The following AGPS variants were observed in gnomAD, a reference collection of about 807,000 sequenced individuals.
The protein encoded by AGPS is alkyldihydroxyacetonephosphate synthase, peroxisomal.
In AGPS, 26 loss-of-function variants were observed where a neutral mutation model predicts 90.7. That is an observed-to-expected ratio of 0.29 (90% CI 0.21 to 0.40). AGPS has a LOEUF of 0.40. Ranked by LOEUF, AGPS falls within the 10% of genes least tolerant of loss-of-function variation. The probability of loss-of-function intolerance (pLI) is 1.00; values close to 1 mark genes in which losing one functional copy is unlikely to be tolerated. For synonymous variants in AGPS, 294 were observed against 285.3 expected, an observed-to-expected ratio of 1.03 and a Z score of -0.31; for missense variants, 540 against 816.1, an observed-to-expected ratio of 0.66 and a Z score of 4.12.
intron 1 of AGPS, among the ~76,000 whole-genome samples, chr2:177,417,274 C>T (rs1685813104): frequency 6.6e-6 from 1 of 152,094 alleles, no homozygotes; most frequent in Non-Finnish European, 1.5e-5. Context: ...ATGCACAAAA[C>T]CATTAAAAAT....
intron 16 of AGPS, among the ~76,000 whole-genome samples, chr2:177,509,902 C>T (rs982926161): frequency 1.5e-4 from 23 of 152,056 alleles, no homozygotes; most frequent in African/African-American, 4.6e-4. Context: ...GACTAGTCTA[C>T]GCAACAGAAT....
intron 8 of AGPS, among the ~76,000 whole-genome samples, chr2:177,456,647 A>G (rs751692756): frequency 2.6e-5 from 4 of 152,176 alleles, no homozygotes; most frequent in African/African-American, 9.7e-5. Flanking sequence ...TTCCTGGTAT[A>G]TAGTACCTGC....
rs901581423 is a variant in AGPS, at chr2:177,493,000, A to T, written c.1234-148A>T. ...CATTGATATTTGTCTTCATAAAAGT[A>T]TATGAAAAGTTAACTTTTTTTCCTC... is the stretch of plus-strand genomic sequence containing the variant. On this transcript the variant is annotated intron_variant, in intron 11 of 19. Coordinates refer to ENST00000264167, the MANE Select transcript of AGPS (RefSeq NM_003659.4). 13 of 669,844 alleles carry T rather than the reference A, an allele frequency of 1.9e-5. No individual in the cohort carries two copies. The East Asian group carries it at 3.6e-4, about 18-fold the overall frequency. The allele number at this position is 669,844 out of a possible 1,614,324, so 41.5% of individuals were successfully genotyped here.
In AGPS at chr2:177,490,175, A is replaced by G. The variant is rs1688208931; in HGVS notation, c.1234-2973A>G. On this transcript the variant is annotated intron_variant, in intron 11 of 19. Coordinates refer to ENST00000264167, the MANE Select transcript of AGPS (RefSeq NM_003659.4). ...GTAACATTATTTTGATCTCTTGATT[A>G]TAGAACCTTCCATTTAATTAACTGT... Among the ~76,000 whole-genome samples, 4 of 152,222 alleles carry G rather than the reference A, an allele frequency of 2.6e-5. No homozygotes were observed. In the South Asian group the frequency reaches 8.3e-4, roughly 32 times the overall value.
intron 8 of AGPS, among the ~76,000 whole-genome samples, chr2:177,460,758 A>G (rs897598795): frequency 1.3e-5 from 2 of 152,186 alleles, no homozygotes; most frequent in African/African-American, 4.8e-5. Flanking sequence ...CTCTTCAGCC[A>G]TTTATTTAAG....
Position 177,481,980 on chromosome 2 carries a change from T to TA in AGPS, c.1106-77dup. 3 of 1,326,504 alleles carry TA rather than the reference T, an allele frequency of 2.3e-6. No individual in the cohort carries two copies. The South Asian group carries it at 3.9e-5, about 17-fold the overall frequency. 82.2% of individuals were successfully genotyped at this position (1,326,504 alleles called of 1,614,324 possible). The stretch of plus-strand genomic sequence containing the variant: ...TTTAAATGTGCATAATAAATTGAAT[T>TA]AATAGATTAAATAGATTTAAATATG... On this transcript the variant is annotated intron_variant, in intron 10 of 19. Coordinates refer to ENST00000264167, the MANE Select transcript of AGPS (RefSeq NM_003659.4).
chr2:177,497,821 C>A, intron 13 of AGPS, 56 bp downstream of exon 13: 2 of 983,864 alleles, frequency 2.0e-6, no homozygotes, highest in Non-Finnish European at 1.6e-6. Context: ...CTGTTTTCTG[C>A]TTTCTTCCCA....
chr2:177,426,431 T>G (rs959937753), intron 2 of AGPS, among the ~76,000 whole-genome samples: 1 of 152,226 alleles, frequency 6.6e-6, no homozygotes, highest in Non-Finnish European at 1.5e-5. Flanking sequence ...AATACTATGT[T>G]GAAAGTAGTG....
chr2:177,483,395 A>G (rs745635993), intron 11 of AGPS, among the ~76,000 whole-genome samples: 2 of 152,166 alleles, frequency 1.3e-5, no homozygotes, highest in Admixed American at 6.5e-5. Context: ...GTACAGCTAT[A>G]TGACCACCTA....
At chr2:177,512,092 C>T (rs973475086) in intron 16 of AGPS, among the ~76,000 whole-genome samples, 4 of 152,060 alleles carry the variant, frequency 2.6e-5, no homozygotes, top group African/African-American at 9.7e-5. Flanking sequence ...ACATAAAGAA[C>T]TTGTTCCAAA....
At chr2:177,494,042 A>T (rs1688344043) in intron 12 of AGPS, among the ~76,000 whole-genome samples, 1 of 152,226 alleles carries the variant, frequency 6.6e-6, no homozygotes. Context: ...CTTGGGAAAA[A>T]GATATGATAA....
rs10497506 is a variant in AGPS at position 177,481,846 on chromosome 2, T to G, written c.1106-213T>G. 0.13 allele frequency among the ~76,000 whole-genome samples: 20,156 copies of G among 152,062 alleles called. 1,504 individuals carry two copies. Among genetic ancestry groups the G allele is most frequent in the African/African-American group, 0.17 (7,106 of 41,504 alleles). On this transcript the variant is annotated intron_variant, in intron 10 of 19. Coordinates refer to ENST00000264167, the MANE Select transcript of AGPS (RefSeq NM_003659.4). ...TTGAAAAATATTTGTACATGACTAA[T>G]TAAAGCGTATTCCTAAAGCTTTTTT...
intron 1 of AGPS, 36 bp downstream of exon 1, chr2:177,393,085 G>A: frequency 1.3e-6 from 2 of 1,550,292 alleles, no homozygotes; most frequent in Non-Finnish European, 8.7e-7. Context: ...TAGCGTCGAG[G>A]GACCAGGCCG....
At chr2:177,490,708 A>C (rs529232054) in intron 11 of AGPS, among the ~76,000 whole-genome samples, 7 of 152,240 alleles carry the variant, frequency 4.6e-5, no homozygotes, top group Admixed American at 3.3e-4. Context: ...TGAAAATTTT[A>C]AGCATACAGA....
intron 1 of AGPS, among the ~76,000 whole-genome samples, chr2:177,399,021 G>T (rs1020643425): frequency 3.9e-5 from 6 of 152,166 alleles, no homozygotes; most frequent in African/African-American, 9.7e-5. Context: ...TCTCTAGATT[G>T]CATTTTAAGA....
chr2:177,445,289 G>T (rs1686733679), intron 7 of AGPS, among the ~76,000 whole-genome samples: 1 of 152,160 alleles, frequency 6.6e-6, no homozygotes, highest in East Asian at 1.9e-4. Flanking sequence ...GTAAGAGAAG[G>T]AATTTAAATT....
Position 177,538,295 on chromosome 2 carries a change from C to A in AGPS, c.*100C>A. On this transcript the variant is annotated 3_prime_UTR_variant, in exon 20 of 20. Transcript: ENST00000264167. ...TATATCATGGACTATATTTTGGATA[C>A]ATTTGTTTCTTTGGTTTAAAATAAG... 1 of 1,292,612 alleles carries A rather than the reference C, an allele frequency of 7.7e-7. No homozygotes were observed. Among genetic ancestry groups the A allele is most frequent in the Non-Finnish European group, 1.1e-6 (1 of 914,080 alleles). The allele number at this position is 1,292,612 out of a possible 1,614,324, so 80.1% of individuals were successfully genotyped here. A position where few individuals can be genotyped will look rare whatever the true frequency, so the allele number is the denominator to read the frequency against.
intron 14 of AGPS, among the ~76,000 whole-genome samples, chr2:177,504,224 C>T (rs1411256722): frequency 6.6e-6 from 1 of 152,160 alleles, no homozygotes; most frequent in African/African-American, 2.4e-5. Context: ...GAGTCTGACT[C>T]TATTTTATAT....
At chr2:177,509,384 C>T (rs2141157) in intron 16 of AGPS, among the ~76,000 whole-genome samples, 128,053 of 152,254 alleles carry the variant, frequency 0.84, 54,049 homozygotes, top group East Asian at 0.95. Flanking sequence ...AGTTTGGCAG[C>T]GGCTGGGCGC....
Sources: gnomAD v4.1 joint callset for allele counts (sites outside exome capture counted in the v4.1 genomes callset) on GRCh38, gnomAD v4.1.1 for gene constraint, MANE v1.5 for transcripts, NCBI Gene and HGNC (gene_info 2026-07-23, HGNC 2026-07-21) for gene names.